LHFPL2: variants seen among roughly 807,000 people sequenced by gnomAD.
LHFPL2 encodes LHFPL tetraspan subfamily member 2 protein.
A neutral mutation model predicts 17.5 loss-of-function variants in LHFPL2; 7 were observed. The ratio of observed to expected loss-of-function variants is 0.40; its 90% confidence interval spans 0.23 to 0.75. The LOEUF (loss-of-function observed/expected upper bound fraction) is 0.75, where lower values mean the gene tolerates loss of function less well. Ranked by LOEUF, LHFPL2 falls within the 30% of genes least tolerant of loss-of-function variation. LHFPL2 has a pLI of 0.37. For missense variants in LHFPL2, 241 were observed against 294.8 expected, an observed-to-expected ratio of 0.82 and a Z score of 1.34; for synonymous variants, 134 against 116.2, an observed-to-expected ratio of 1.15 and a Z score of -0.99.
At chr5:78,643,357 C>T (rs1278594897) in intron 1 of LHFPL2, among the ~76,000 whole-genome samples, 3 of 152,144 alleles carry the variant, frequency 2.0e-5, no homozygotes, top group African/African-American at 7.2e-5. Flanking sequence ...ATCTTCTATA[C>T]CAAAAGAGAA....
At chr5:78,512,565 C>A (rs1247145028) in intron 3 of LHFPL2, among the ~76,000 whole-genome samples, 1 of 151,518 alleles carries the variant, frequency 6.6e-6, no homozygotes, top group Non-Finnish European at 1.5e-5. Flanking sequence ...TAAAAGAGAA[C>A]AAGAAAATGA....
At chr5:78,591,583 A>T (rs1266641626) in intron 2 of LHFPL2, among the ~76,000 whole-genome samples, 1 of 152,102 alleles carries the variant, frequency 6.6e-6, no homozygotes, top group Non-Finnish European at 1.5e-5. Flanking sequence ...CCCGAGGCCA[A>T]CTCTGAGAAA....
At chr5:78,643,872 C>T (rs1745765536) in intron 1 of LHFPL2, among the ~76,000 whole-genome samples, 2 of 152,082 alleles carry the variant, frequency 1.3e-5, no homozygotes, top group Non-Finnish European at 2.9e-5. Context: ...ACCAGCCTGG[C>T]CAACATGGTG....
intron 3 of LHFPL2, among the ~76,000 whole-genome samples, chr5:78,543,184 A>G (rs992966178): frequency 9.9e-5 from 15 of 152,156 alleles, no homozygotes; most frequent in African/African-American, 2.4e-4. Context: ...TTTGTGCCCT[A>G]TGTAAACCAG....
intron 2 of LHFPL2, among the ~76,000 whole-genome samples, chr5:78,565,652 T>A (rs753474506): frequency 6.6e-6 from 1 of 152,250 alleles, no homozygotes; most frequent in Non-Finnish European, 1.5e-5. Flanking sequence ...GGGACTGTTA[T>A]AGGAATATAT....
chr5:78,541,365 T>C (rs1259116243), intron 3 of LHFPL2, among the ~76,000 whole-genome samples: 1 of 152,162 alleles, frequency 6.6e-6, no homozygotes, highest in Non-Finnish European at 1.5e-5. Flanking sequence ...TTAGGAGTGT[T>C]TCCTCTGAAG....
At chr5:78,589,595 C>T (rs779092717) in intron 2 of LHFPL2, among the ~76,000 whole-genome samples, 11 of 152,112 alleles carry the variant, frequency 7.2e-5, no homozygotes, top group South Asian at 2.1e-4. Context: ...TACTCTTGCC[C>T]GCCTTTCCCT....
intron 2 of LHFPL2, among the ~76,000 whole-genome samples, chr5:78,592,267 G>A (rs1375950831): frequency 3.3e-5 from 5 of 152,190 alleles, no homozygotes; most frequent in Non-Finnish European, 7.3e-5. Flanking sequence ...GAAGGACAGA[G>A]AGCACCTCTC....
intron 2 of LHFPL2, among the ~76,000 whole-genome samples, chr5:78,622,863 C>T (rs554331215): frequency 9.9e-5 from 15 of 152,256 alleles, no homozygotes; most frequent in African/African-American, 3.6e-4. Context: ...GACTGAGACA[C>T]CACTGAGGCC....
chr5:78,548,260 G>A (rs1756344010), intron 3 of LHFPL2, among the ~76,000 whole-genome samples: 1 of 152,218 alleles, frequency 6.6e-6, no homozygotes, highest in South Asian at 2.1e-4. Context: ...GCACTTCCAC[G>A]TAAAGAGCTC....
chr5:78,556,706 T>C (rs1450689777), intron 3 of LHFPL2, among the ~76,000 whole-genome samples: 3 of 152,032 alleles, frequency 2.0e-5, no homozygotes, highest in Non-Finnish European at 4.4e-5. Flanking sequence ...AAAAAGGAAC[T>C]TATAATGACA....
intron 4 of LHFPL2, 150 bp downstream of exon 4, chr5:78,509,634 G>A (rs555265016): frequency 4.0e-5 from 30 of 747,546 alleles, no homozygotes; most frequent in African/African-American, 3.8e-4. Flanking sequence ...CACAAACGTC[G>A]CCTAGAACGG....
chr5:78,644,639 A>C, intron 1 of LHFPL2: 1 of 350,118 alleles, frequency 2.9e-6, no homozygotes, highest in South Asian at 3.5e-5. Context: ...TCTCTTTCAT[A>C]ATGGGTCTTG....
intron 2 of LHFPL2, among the ~76,000 whole-genome samples, chr5:78,583,799 C>T (rs1404837045): frequency 2.7e-4 from 40 of 149,422 alleles, no homozygotes; most frequent in African/African-American, 9.3e-4. Flanking sequence ...TTGTGGCGTT[C>T]TCTGTATTTC....
At chr5:78,625,187 AC>A (rs1257580568) in intron 2 of LHFPL2, 13 of 148,632 alleles carry the variant, frequency 8.7e-5, no homozygotes, top group African/African-American at 3.3e-4. Flanking sequence ...TTCCAGTCAC[AC>A]CTGCAGCATT....
intron 4 of LHFPL2, among the ~76,000 whole-genome samples, chr5:78,508,260 T>A (rs1317179639): frequency 6.6e-6 from 1 of 152,186 alleles, no homozygotes; most frequent in Non-Finnish European, 1.5e-5. Flanking sequence ...CAAGTGAAAC[T>A]GCTAATGAGG....
intron 2 of LHFPL2, among the ~76,000 whole-genome samples, chr5:78,579,588 C>T (rs533377100): frequency 9.2e-5 from 14 of 151,754 alleles, no homozygotes; most frequent in South Asian, 6.2e-4. Flanking sequence ...TGAGAATATG[C>T]GGTGTTTGGT....
intron 2 of LHFPL2, among the ~76,000 whole-genome samples, chr5:78,582,180 TTTTTTA>T (rs1743171887): frequency 6.6e-6 from 1 of 152,202 alleles, no homozygotes. Flanking sequence ...TCTTCTCTCT[TTTTTTA>T]TTAGTCTTGC....
At chr5:78,581,430 G>C (rs1211533159) in intron 2 of LHFPL2, among the ~76,000 whole-genome samples, 3 of 152,138 alleles carry the variant, frequency 2.0e-5, no homozygotes, top group African/African-American at 2.4e-5. Flanking sequence ...CTGTGGGTTT[G>C]TCATAGATAG....
Sources: gnomAD v4.1 joint callset for allele counts (sites outside exome capture counted in the v4.1 genomes callset) on GRCh38, gnomAD v4.1.1 for gene constraint, MANE v1.5 for transcripts, NCBI Gene and HGNC (gene_info 2026-07-23, HGNC 2026-07-21) for gene names.